Variants in RNF220 observed in about 807,000 individuals in gnomAD.
The protein encoded by RNF220 is E3 ubiquitin-protein ligase RNF220.
Under a neutral mutation model 67.1 loss-of-function variants are expected in RNF220, and 7 were observed. The ratio of observed to expected loss-of-function variants is 0.10; its 90% CI spans 0.06 to 0.20. The LOEUF is 0.20. Among genes scored for constraint, RNF220 ranks in the 10% least tolerant of loss-of-function variants. The probability of loss-of-function intolerance (pLI) is 1.00; values close to 1 mark genes in which losing one functional copy is unlikely to be tolerated. For synonymous variants in RNF220, 270 were observed against 283.2 expected, an observed-to-expected ratio of 0.95 and a Z score of 0.47; for missense variants, 565 against 740.3, an observed-to-expected ratio of 0.76 and a Z score of 2.75.
intron 2 of RNF220, among the ~76,000 whole-genome samples, chr1:44,468,952 A>G (rs1173268244): frequency 6.6e-6 from 1 of 152,218 alleles, no homozygotes; most frequent in East Asian, 1.9e-4. Context: ...GATGCCAAAA[A>G]CAATATCAGA....
chr1:44,505,232 T>C (rs1450389127), intron 2 of RNF220, among the ~76,000 whole-genome samples: 1 of 152,218 alleles, frequency 6.6e-6, no homozygotes, highest in Non-Finnish European at 1.5e-5. Flanking sequence ...CCACACTGTA[T>C]CAGGAGAGAT....
intron 2 of RNF220, among the ~76,000 whole-genome samples, chr1:44,483,584 C>G (rs566397088): frequency 1.6e-4 from 24 of 152,234 alleles, no homozygotes; most frequent in Non-Finnish European, 3.1e-4. Context: ...AAATGAGGCT[C>G]TTCTCCAGAC....
Position 44,650,551 on chromosome 1 carries a change from T to A in RNF220, c.1630-153T>A. ...CCAACACAGGAGCGTGCCTGCCTGC[T>A]CACAGAAGCTGCCTATGCGTCCCCA... On this transcript the variant is annotated intron_variant, in intron 14 of 14. Coordinates refer to ENST00000361799, the MANE Select transcript of RNF220 (RefSeq NM_018150.4). This position sits in a 1 kb window ranked among gnomAD's most constrained non-coding sequence, Gnocchi z 4.3. 1.4e-6 allele frequency: 1 copy of A among 740,092 alleles called. No homozygotes were observed. Among genetic ancestry groups the A allele is most frequent in the South Asian group, 1.6e-5 (1 of 60,714 alleles). The allele number at this position is 740,092 out of a possible 1,614,324, so 45.8% of individuals were successfully genotyped here.
chr1:44,545,100 C>T (rs1331376278), intron 2 of RNF220, among the ~76,000 whole-genome samples: 1 of 152,238 alleles, frequency 6.6e-6, no homozygotes, highest in Non-Finnish European at 1.5e-5. Context: ...CGGGACACCT[C>T]GGCGTTGCCT....
At chr1:44,522,659 G>A (rs1159293224) in intron 2 of RNF220, among the ~76,000 whole-genome samples, 4 of 152,100 alleles carry the variant, frequency 2.6e-5, no homozygotes, top group South Asian at 4.1e-4. Flanking sequence ...CTCCTGGGGG[G>A]GCGGGGGGAC....
intron 2 of RNF220, among the ~76,000 whole-genome samples, chr1:44,595,750 ATTATT>A (rs1666433812): frequency 6.6e-6 from 1 of 151,948 alleles, no homozygotes; most frequent in South Asian, 2.1e-4. Flanking sequence ...TTTTTATTTT[ATTATT>A]TTATTTTTAT....
At chr1:44,410,808 C>T (rs1435902251) in intron 1 of RNF220, 1 of 152,150 alleles carries the variant, frequency 6.6e-6, no homozygotes, top group South Asian at 2.1e-4. Context: ...GTTTCTATTT[C>T]GTGTATATTT....
rs540243939 is a variant in RNF220 at position 44,624,634 on chromosome 1, GA to G, written c.805-1662del. Among the ~76,000 whole-genome samples the G allele has an allele frequency of 6.4e-4, 98 of 152,218 alleles. No homozygotes were observed. Among genetic ancestry groups the G allele is most frequent in the African/African-American group, 2.2e-3 (92 of 41,532 alleles). On this transcript the variant is annotated intron_variant, in intron 4 of 14. Coordinates refer to ENST00000361799, the MANE Select transcript of RNF220 (RefSeq NM_018150.4). The surrounding 1 kb of genome is among the most constrained non-coding windows in gnomAD (Gnocchi z 4.2). ...AGCAGGTCGTGAGTGGAAGAGGCGAGAGAGAGAAGGTTCAAGCAAGAGACTG... is the reference window on the plus strand; with the variant it reads ...AGCAGGTCGTGAGTGGAAGAGGCGAGGAGAGAAGGTTCAAGCAAGAGACTG...
chr1:44,437,052 G>C (rs1651049132), intron 2 of RNF220, among the ~76,000 whole-genome samples: 1 of 152,198 alleles, frequency 6.6e-6, no homozygotes. Flanking sequence ...AGTTGTTTGG[G>C]TGGCTTAGAG....
chr1:44,424,070 G>A (rs1408848534), intron 2 of RNF220: 71 of 965,288 alleles, frequency 7.4e-5, no homozygotes, highest in Non-Finnish European at 8.5e-5. Flanking sequence ...CGTTGTGCTC[G>A]GTGCTGTTTG....
At chr1:44,539,307 T>C (rs1661494340) in intron 2 of RNF220, among the ~76,000 whole-genome samples, 1 of 152,230 alleles carries the variant, frequency 6.6e-6, no homozygotes, top group Non-Finnish European at 1.5e-5. Context: ...CCTGACTCTC[T>C]GAGCATCCCA....
intron 2 of RNF220, among the ~76,000 whole-genome samples, chr1:44,540,199 A>C (rs1053556667): frequency 1.3e-5 from 2 of 152,204 alleles, no homozygotes; most frequent in Admixed American, 6.5e-5. Context: ...ACCACTGCCC[A>C]CATCTCTTCC....
chr1:44,522,851 T>C (rs1660049342), intron 2 of RNF220, among the ~76,000 whole-genome samples: 1 of 152,096 alleles, frequency 6.6e-6, no homozygotes, highest in South Asian at 2.1e-4. Flanking sequence ...CCACTAATGG[T>C]AGTTAGAGCA....
At chr1:44,549,720 G>A (rs545085060) in intron 2 of RNF220, among the ~76,000 whole-genome samples, 2 of 152,178 alleles carry the variant, frequency 1.3e-5, no homozygotes, top group Non-Finnish European at 2.9e-5. Context: ...CCTCCAGAGA[G>A]AGCATGTGTT....
At chr1:44,490,605 A>T (rs1332409384) in intron 2 of RNF220, among the ~76,000 whole-genome samples, 1 of 152,152 alleles carries the variant, frequency 6.6e-6, no homozygotes, top group African/African-American at 2.4e-5. Flanking sequence ...ACTCAGAGGG[A>T]AATTTATAGC....
chr1:44,641,101 G>A (rs1644476650), intron 8 of RNF220, among the ~76,000 whole-genome samples: 1 of 152,122 alleles, frequency 6.6e-6, no homozygotes, highest in Non-Finnish European at 1.5e-5. Flanking sequence ...TGGGAGAAGG[G>A]TCGTTTTTAT....
At chr1:44,513,879 T>C (rs1394533682) in intron 2 of RNF220, among the ~76,000 whole-genome samples, 1 of 152,148 alleles carries the variant, frequency 6.6e-6, no homozygotes, top group Non-Finnish European at 1.5e-5. Context: ...GCCAATGTCT[T>C]CTACTTCCGC....
chr1:44,566,074 C>G (rs1385368337), intron 2 of RNF220, among the ~76,000 whole-genome samples: 1 of 152,164 alleles, frequency 6.6e-6, no homozygotes, highest in Non-Finnish European at 1.5e-5. Context: ...GAGCTATTTC[C>G]GGCAAGGTGT....
chr1:44,532,223 G>T (rs1660889559), intron 2 of RNF220, among the ~76,000 whole-genome samples: 1 of 152,184 alleles, frequency 6.6e-6, no homozygotes, highest in Admixed American at 6.5e-5. Context: ...ACACAGCAGG[G>T]TGAGCCTGTC....
Sources: allele counts gnomAD v4.1 joint callset (sites outside exome capture counted in the v4.1 genomes callset), GRCh38; gene constraint gnomAD v4.1.1; non-coding constraint Gnocchi (gnomAD v3.1); transcripts MANE v1.5; gene names NCBI Gene and HGNC (gene_info 2026-07-23, HGNC 2026-07-21).